The following NUP58 variants were observed in gnomAD, a reference collection of about 807,000 sequenced individuals.
NUP58 encodes the protein nucleoporin 58.
A neutral mutation model predicts 70.1 loss-of-function variants in NUP58; 17 were observed. That is an observed-to-expected ratio of 0.24 (90% CI 0.17 to 0.36). The LOEUF (loss-of-function observed/expected upper bound fraction) is 0.36, where lower values mean the gene tolerates loss of function less well. NUP58 is among the 10% of genes least tolerant of loss of function. The pLI is 1.00. For synonymous variants in NUP58, 275 were observed against 257.6 expected (o/e 1.07, Z -0.65); for missense variants, 644 against 701.5 (o/e 0.92, Z 0.93).
intron 1 of NUP58, chr13:25,303,107 A>G (rs763889842): frequency 3.1e-5 from 14 of 455,966 alleles, no homozygotes; most frequent in African/African-American, 1.6e-4. Flanking sequence ...TTTAGATGAA[A>G]ACTACTCCAA....
rs1444754425 is a variant in NUP58 at position 25,304,503 on chromosome 13, TATATATATATATATGTA to T, written c.107+2624_107+2640del. Among the ~76,000 whole-genome samples the T allele has an allele frequency of 4.1e-5, 4 of 97,632 alleles. No individual in the cohort carries two copies. The East Asian group carries it at 1.1e-3, about 28-fold the overall frequency. 64.1% of individuals were successfully genotyped at this position (97,632 alleles called of 152,430 possible). A position where few individuals can be genotyped will look rare whatever the true frequency, so the allele number is the denominator to read the frequency against. Reference sequence around the variant, plus strand: ...TTATATATATATATATATATATATATATATATATATATATGTATTTTTTTTTTTTTTTAAGACAGTCT... The same window carrying T: ...TTATATATATATATATATATATATATTTTTTTTTTTTTTTTAAGACAGTCT... On this transcript the variant is annotated intron_variant, in intron 1 of 15. Coordinates refer to ENST00000381736, the MANE Select transcript of NUP58 (RefSeq NM_014089.4).
At chr13:25,310,086 A>G (rs920777045) in intron 3 of NUP58, 2 of 330,938 alleles carry the variant, frequency 6.0e-6, no homozygotes, top group Middle Eastern at 6.9e-4. Flanking sequence ...TCTGTTGCCC[A>G]GGCTGGAGTG....
intron 9 of NUP58, among the ~76,000 whole-genome samples, chr13:25,323,099 G>T (rs1004744181): frequency 6.6e-6 from 1 of 152,134 alleles, no homozygotes; most frequent in African/African-American, 2.4e-5. Flanking sequence ...GTCTTTTAGA[G>T]ATAAAAAGAC....
intron 10 of NUP58, among the ~76,000 whole-genome samples, chr13:25,326,566 ATTTAT>A (rs2031402344): frequency 6.6e-6 from 1 of 152,158 alleles, no homozygotes; most frequent in African/African-American, 2.4e-5. Flanking sequence ...CAGAGAATTT[ATTTAT>A]ATCGCTTCCC....
At chr13:25,335,863 C>T (rs1253113917) in intron 13 of NUP58, 1 of 1,057,906 alleles carries the variant, frequency 9.5e-7, no homozygotes, top group Non-Finnish European at 1.1e-6. Context: ...GCACTGATCA[C>T]TGTGCTTGAA....
Position 25,320,560 on chromosome 13 carries a change from ACCT to A in NUP58, c.745_747del (p.Pro249del). Reference sequence around the variant, plus strand: ...GTAAAGCTCTGAAGGATGAAAATCTACCTCCTGTCATCTGCCAGGATGTTGAAA... The same window carrying A: ...GTAAAGCTCTGAAGGATGAAAATCTACCTGTCATCTGCCAGGATGTTGAAA... On this transcript the variant is annotated inframe_deletion, in exon 8 of 16. Coordinates refer to ENST00000381736, the MANE Select transcript of NUP58 (RefSeq NM_014089.4). 6.2e-7 allele frequency: 1 copy of A among 1,610,916 alleles called. No homozygotes were observed. The highest frequency in any genetic ancestry group is 8.5e-7 in the Non-Finnish European group (1 of 1,177,678).
At chr13:25,305,148 T>TGTTTGG (rs1566055089) in intron 1 of NUP58, among the ~76,000 whole-genome samples, 1 of 122,232 alleles carries the variant, frequency 8.2e-6, no homozygotes, top group Non-Finnish European at 1.8e-5. Flanking sequence ...TTTTTTTTTT[T>TGTTTGG]TTTTTTTTTT....
chr13:25,320,500 A>T, intron 7 of NUP58, 30 bp from the exon 8 acceptor site: 1 of 1,496,208 alleles, frequency 6.7e-7, no homozygotes, highest in Non-Finnish European at 9.3e-7. Flanking sequence ...AATCTCAATG[A>T]CCTTAATACA....
chr13:25,345,831 G>A (rs577773614), downstream of NUP58, among the ~76,000 whole-genome samples: 2 of 152,170 alleles, frequency 1.3e-5, no homozygotes, highest in Non-Finnish European at 2.9e-5. Context: ...ATACATAGGA[G>A]AGAGTAGGGA....
chr13:25,331,282 T>C (rs996536877), intron 12 of NUP58, 75 bp from the exon 13 acceptor site: 11 of 1,376,480 alleles, frequency 8.0e-6, no homozygotes, highest in Admixed American at 5.3e-5. Context: ...TGGTAATTTA[T>C]GGTTATATTC....
intron 12 of NUP58, among the ~76,000 whole-genome samples, chr13:25,331,153 G>A (rs2031587884): frequency 1.3e-5 from 2 of 151,886 alleles, no homozygotes; most frequent in South Asian, 2.1e-4. Context: ...TGTAAAGATA[G>A]GGAGTAAACT....
At chr13:25,311,745 T>C (rs149444915) in intron 3 of NUP58, among the ~76,000 whole-genome samples, 77 of 150,334 alleles carry the variant, frequency 5.1e-4, no homozygotes, top group African/African-American at 1.8e-3. Context: ...AAGAGACTGA[T>C]ACCAGAGAAA....
At chr13:25,346,846 T>C (rs1052214396), downstream of NUP58, among the ~76,000 whole-genome samples, 7 of 152,130 alleles carry the variant, frequency 4.6e-5, no homozygotes, top group Non-Finnish European at 8.8e-5. Context: ...TTATGAAGTA[T>C]TTACAAGTTT....
chr13:25,316,139 GT>G (rs1358617626), intron 6 of NUP58, among the ~76,000 whole-genome samples: 2 of 152,248 alleles, frequency 1.3e-5, no homozygotes, highest in East Asian at 3.9e-4. Context: ...TTAGTGTATA[GT>G]TTGTGAAATC....
At chr13:25,310,053 T>A (rs189969221) in intron 3 of NUP58, 1 of 397,136 alleles carries the variant, frequency 2.5e-6, no homozygotes, top group Non-Finnish European at 5.0e-6. Flanking sequence ...TGCTTTTTTT[T>A]CCCCTATCAG....
intron 12 of NUP58, among the ~76,000 whole-genome samples, chr13:25,329,735 G>A (rs565450852): frequency 6.6e-6 from 1 of 152,112 alleles, no homozygotes; most frequent in South Asian, 2.1e-4. Context: ...TATCCAGCCA[G>A]GCCTCAGGAA....
At chr13:25,323,630 A>T (rs984156811) in intron 9 of NUP58, among the ~76,000 whole-genome samples, 4 of 152,220 alleles carry the variant, frequency 2.6e-5, no homozygotes, top group Non-Finnish European at 5.9e-5. Context: ...AAATATAAGC[A>T]GTTCTGCAGT....
At chr13:25,339,895 TC>T (rs1231940036) in intron 15 of NUP58, 69 bp from the exon 16 acceptor site, 2 of 1,310,528 alleles carry the variant, frequency 1.5e-6, no homozygotes, top group Non-Finnish European at 2.1e-6. Context: ...AATTTACTGC[TC>T]CTCCCTGTTT....
At chr13:25,317,569 C>T (rs1053260211) in intron 6 of NUP58, 1 of 151,830 alleles carries the variant, frequency 6.6e-6, no homozygotes, top group African/African-American at 2.4e-5. Flanking sequence ...TAAGTATTTA[C>T]AAAATATAAT....
Sources: gnomAD v4.1 joint callset for allele counts (sites outside exome capture counted in the v4.1 genomes callset) on GRCh38, gnomAD v4.1.1 for gene constraint, MANE v1.5 for transcripts, NCBI Gene and HGNC (gene_info 2026-07-23, HGNC 2026-07-21) for gene names.